Variants in SNX31 observed in about 807,000 individuals in gnomAD.
SNX31 encodes the protein sorting nexin-31.
SNX31 carries 58 observed loss-of-function variants against 65.4 expected under a neutral mutation model. That is an observed-to-expected ratio of 0.89 (90% CI 0.72 to 1.10). SNX31 has a LOEUF of 1.10. SNX31 is among the 50% of genes least tolerant of loss of function. The pLI is 0.00. For synonymous variants in SNX31, 181 were observed against 190.1 expected, an observed-to-expected ratio of 0.95 and a Z score of 0.39; for missense variants, 523 against 529.7, an observed-to-expected ratio of 0.99 and a Z score of 0.12.
chr8:100,663,148 C>A (rs780117784), exon 1 of SNX31: 2 of 152,226 alleles, frequency 1.3e-5, no homozygotes, highest in Non-Finnish European at 1.5e-5. Flanking sequence ...CTACCTTTCG[C>A]GCAGCGCGTT....
At chr8:100,589,044 G>T in intron 10 of SNX31, 65 bp from the exon 11 acceptor site, 1 of 1,296,544 alleles carries the variant, frequency 7.7e-7, no homozygotes. Flanking sequence ...CGGGCACGGT[G>T]GCTCACACCT....
At chr8:100,642,053 T>G (rs1396867114) in intron 2 of SNX31, among the ~76,000 whole-genome samples, 1 of 150,256 alleles carries the variant, frequency 6.7e-6, no homozygotes, top group African/African-American at 2.5e-5. Context: ...CACTCCAGCC[T>G]GGGCGACAGA....
At chr8:100,661,828 C>G (rs1332624553) in intron 1 of SNX31, among the ~76,000 whole-genome samples, 1 of 152,020 alleles carries the variant, frequency 6.6e-6, no homozygotes, top group Non-Finnish European at 1.5e-5. Context: ...CTGCATCCAG[C>G]CACTGTTTTT....
At chr8:100,611,761 G>A (rs894978946) in intron 7 of SNX31, among the ~76,000 whole-genome samples, 7 of 152,072 alleles carry the variant, frequency 4.6e-5, no homozygotes, top group Admixed American at 2.6e-4. Context: ...TTGCTATGTT[G>A]CCCAGGCTGA....
chr8:100,657,769 G>A (rs1275106766), intron 1 of SNX31: 1 of 456,108 alleles, frequency 2.2e-6, no homozygotes, highest in East Asian at 7.0e-5. Flanking sequence ...TACTTGGGAG[G>A]CTGAGGCAGG....
At chr8:100,634,273 G>A (rs1221398494) in intron 3 of SNX31, among the ~76,000 whole-genome samples, 1 of 152,166 alleles carries the variant, frequency 6.6e-6, no homozygotes, top group East Asian at 1.9e-4. Context: ...GCCTTAGCAT[G>A]GCTTCCTGGT....
intron 12 of SNX31, among the ~76,000 whole-genome samples, chr8:100,579,612 A>G (rs181377025): frequency 4.7e-4 from 72 of 152,278 alleles, no homozygotes; most frequent in African/African-American, 1.7e-3. Context: ...CCTCCTCACT[A>G]TATAATAGAA....
At position 100,584,041 on chromosome 8, in the gene SNX31, G is replaced by C. The variant is rs1285473587; in HGVS notation, c.1170+70C>G. 15 of 1,423,032 alleles carry C rather than the reference G, an allele frequency of 1.1e-5. No homozygotes were observed. In the Admixed American group the frequency reaches 2.8e-4, roughly 27 times the overall value. The allele number at this position is 1,423,032 out of a possible 1,614,324, so 88.2% of individuals were successfully genotyped here. A position where few individuals can be genotyped will look rare whatever the true frequency, so the allele number is the denominator to read the frequency against. ...CTGGCTCAGGGAGCTCATGAGTGTA[G>C]TTTGGTCTCCAACTGTTGGCTGATA... is the stretch of plus-strand genomic sequence containing the variant. On this transcript the variant is annotated intron_variant, in intron 12 of 13. Transcript: ENST00000311812.
chr8:100,582,859 T>C (rs948521601), intron 12 of SNX31, among the ~76,000 whole-genome samples: 1 of 150,808 alleles, frequency 6.6e-6, no homozygotes, highest in Admixed American at 6.6e-5. Context: ...GGCAGGGACC[T>C]GTAGCCCCAG....
chr8:100,584,617 G>A (rs1298088579), intron 11 of SNX31, among the ~76,000 whole-genome samples: 1 of 151,690 alleles, frequency 6.6e-6, no homozygotes, highest in African/African-American at 2.4e-5. Context: ...ATTATTGAGA[G>A]ACCTCTACTG....
intron 7 of SNX31, 139 bp from the exon 8 acceptor site, chr8:100,608,702 A>G: frequency 1.4e-6 from 1 of 704,574 alleles, no homozygotes; most frequent in Non-Finnish European, 2.5e-6. Context: ...CCACTTGCCC[A>G]GCTTTCACTC....
chr8:100,661,130 C>G (rs913367228), intron 1 of SNX31, among the ~76,000 whole-genome samples: 1 of 151,920 alleles, frequency 6.6e-6, no homozygotes, highest in African/African-American at 2.4e-5. Flanking sequence ...CTCAGCCTCC[C>G]GAGTAGCTGG....
intron 1 of SNX31, among the ~76,000 whole-genome samples, chr8:100,662,470 G>C (rs371688979): frequency 2.6e-5 from 4 of 152,192 alleles, no homozygotes; most frequent in African/African-American, 9.6e-5. Context: ...GGCCAAGGTG[G>C]GCGGTTCACC....
At chr8:100,654,287 AG>A (rs1211567977), upstream of SNX31, among the ~76,000 whole-genome samples, 1 of 152,174 alleles carries the variant, frequency 6.6e-6, no homozygotes, top group Non-Finnish European at 1.5e-5. Flanking sequence ...CTGGGATTAC[AG>A]GCGTGAGCCA....
rs746202707 is a variant in SNX31, at chr8:100,656,594, T to C, written c.-58+6548A>G. On this transcript the variant is annotated intron_variant, in intron 1 of 5. Transcript: ENST00000520352. ...AGGCGGAGGTTGCAGTGAGCCGAGATAACGCCACTGCACTCCAGCCTGGGC... is the reference window on the plus strand; with the variant it reads ...AGGCGGAGGTTGCAGTGAGCCGAGACAACGCCACTGCACTCCAGCCTGGGC... Among the ~76,000 whole-genome samples, 5 of 115,702 alleles carry C rather than the reference T, an allele frequency of 4.3e-5. No individual in the cohort carries two copies. In the Admixed American group the frequency reaches 5.4e-4, roughly 12 times the overall value. 75.9% of individuals were successfully genotyped at this position (115,702 alleles called of 152,430 possible). A position where few individuals can be genotyped will look rare whatever the true frequency, so the allele number is the denominator to read the frequency against.
Position 100,604,029 on chromosome 8 carries a change from C to T in SNX31, c.682-3588G>A, listed in dbSNP as rs969012719. 2.0e-5 allele frequency among the ~76,000 whole-genome samples: 3 copies of T among 152,190 alleles called. No homozygotes were observed. The highest frequency in any genetic ancestry group is 4.4e-5 in the Non-Finnish European group (3 of 68,032). ...CTGGAATTACAGGCGTGAGCCACTG[C>T]GCCCAGCTTTATATCATTACCTTTG... On this transcript the variant is annotated intron_variant, in intron 8 of 13. Transcript: ENST00000311812. The surrounding 1 kb of genome is among the most constrained non-coding windows in gnomAD (Gnocchi z 4.3).
In SNX31 at chr8:100,610,628, G is replaced by A. The variant is rs1042255694; in HGVS notation, c.611+1372C>T. Among the ~76,000 whole-genome samples, 6 of 152,176 alleles carry A rather than the reference G, an allele frequency of 3.9e-5. No individual in the cohort carries two copies. Among genetic ancestry groups the A allele is most frequent in the Non-Finnish European group, 7.4e-5 (5 of 68,018 alleles). ...ATACTGTAATTCCAGGAACAACTGT[G>A]CTCAGCCATTCACTACAGCAAGCAG... On this transcript the variant is annotated intron_variant, in intron 7 of 13. Transcript: ENST00000311812. The surrounding 1 kb of genome is among the most constrained non-coding windows in gnomAD (Gnocchi z 4.0).
chr8:100,580,438 A>G (rs1813396448), intron 12 of SNX31, among the ~76,000 whole-genome samples: 1 of 152,168 alleles, frequency 6.6e-6, no homozygotes, highest in South Asian at 2.1e-4. Context: ...ATTTGAATAG[A>G]CAACACACCC....
At chr8:100,627,212 C>T (rs972555854) in intron 4 of SNX31, among the ~76,000 whole-genome samples, 11 of 152,060 alleles carry the variant, frequency 7.2e-5, no homozygotes, top group African/African-American at 2.2e-4. Flanking sequence ...ATTAGCCAGG[C>T]GTGGTGGCAC....
Sources: gnomAD v4.1 joint callset for allele counts (sites outside exome capture counted in the v4.1 genomes callset) on GRCh38, gnomAD v4.1.1 for gene constraint, Gnocchi (gnomAD v3.1) non-coding constraint, MANE v1.5 for transcripts, NCBI Gene and HGNC (gene_info 2026-07-23, HGNC 2026-07-21) for gene names.